Variants in C8orf74 observed in about 807,000 individuals in gnomAD.
C8orf74 encodes chromosome 8 open reading frame 74, also known as uncharacterized protein C8orf74.
C8orf74 carries 29 observed loss-of-function variants against 22.2 expected under a neutral mutation model. The ratio of observed to expected loss-of-function variants is 1.31; its 90% CI spans 0.97 to 1.78. The LOEUF is 1.78. Ranked by LOEUF, C8orf74 falls within the 40% of genes most tolerant of loss-of-function variation. The probability of loss-of-function intolerance (pLI) is 0.00; values close to 1 mark genes in which losing one functional copy is unlikely to be tolerated. For missense variants in C8orf74, 515 were observed against 369.9 expected (o/e 1.39, Z -3.22); for synonymous variants, 255 against 163.1 (o/e 1.56, Z -4.30).
Position 10,672,655 on chromosome 8 carries a change from A to G in C8orf74, c.-11A>G, listed in dbSNP as rs1282185657. ...TCTGGCTCCGTCTCCTGGCAACCAG[A>G]TGCAGGGGCCATGGCACTCTTAACA... On this transcript the variant is annotated 5_prime_UTR_variant, in exon 1 of 4. The change abolishes an upstream ATG in the 5' untranslated region. Transcript: ENST00000304519. The G allele has an allele frequency of 1.3e-6, 2 of 1,562,350 alleles. No homozygotes were observed. The highest frequency in any genetic ancestry group is 1.9e-5 in the Admixed American group (1 of 52,556).
Position 10,690,774 on chromosome 8 carries a change from G to A in C8orf74, c.242-6825G>A, listed in dbSNP as rs1336885273. On this transcript the variant is annotated intron_variant, in intron 2 of 3. Transcript: ENST00000304519. ...GGTCCGAGCCGTTTCTGCCCTGATC[G>A]TGGAGCTTCCCGTGCTGACATCTGC... 10 of 437,774 alleles carry A rather than the reference G, an allele frequency of 2.3e-5. 1 individual carries two copies. The highest frequency in any genetic ancestry group is 1.4e-4 in the East Asian group (2 of 14,054). The allele number at this position is 437,774 out of a possible 1,614,324, so 27.1% of individuals were successfully genotyped here. A position where few individuals can be genotyped will look rare whatever the true frequency, so the allele number is the denominator to read the frequency against.
chr8:10,692,671 A>AT (rs539835848), intron 2 of C8orf74: 4,332 of 143,876 alleles, frequency 0.03, 125 homozygotes, highest in African/African-American at 0.076. Context: ...CATGCTGGCT[A>AT]TTTTTTTTTT....
In C8orf74 at chr8:10,697,932, A is replaced by G. The variant is rs1563165749; in HGVS notation, c.575A>G (p.Glu192Gly). Residue 192 changes from glutamate (E) to glycine (G), a missense_variant, in exon 3 of 4, where the codon GAG becomes GGG. Transcript: ENST00000304519. ...VLLLKEALRL[E>G]RENSLQKAFA... ...CTCCTGAAAGAGGCGCTGCGCCTGGAGCGGGAGAACTCGCTGCAGAAGGCG... is the reference window on the plus strand; with the variant it reads ...CTCCTGAAAGAGGCGCTGCGCCTGGGGCGGGAGAACTCGCTGCAGAAGGCG... The G allele has an allele frequency of 6.3e-7, 1 of 1,589,768 alleles. No individual in the cohort carries two copies. Among genetic ancestry groups the G allele is most frequent in the Admixed American group, 1.7e-5 (1 of 58,324 alleles).
intron 3 of C8orf74, among the ~76,000 whole-genome samples, chr8:10,698,653 G>C (rs1799584403): frequency 6.6e-6 from 1 of 152,130 alleles, no homozygotes; most frequent in South Asian, 2.1e-4. Flanking sequence ...CTGACTTCTT[G>C]AGGGCCTGGC....
At chr8:10,673,314 G>T (rs1798956315) in intron 1 of C8orf74, among the ~76,000 whole-genome samples, 1 of 152,130 alleles carries the variant, frequency 6.6e-6, no homozygotes, top group South Asian at 2.1e-4. Flanking sequence ...TCTGCTGGGA[G>T]CCTATAAGAA....
At chr8:10,698,110 G>A (rs1434945338) in intron 3 of C8orf74, 105 bp downstream of exon 3, 12 of 1,166,218 alleles carry the variant, frequency 1.0e-5, no homozygotes, top group Non-Finnish European at 1.4e-5. Flanking sequence ...ACACAGGGGA[G>A]GGGGAGAGAT....
chr8:10,678,735 G>C (rs1232147976), intron 2 of C8orf74, among the ~76,000 whole-genome samples: 1 of 152,242 alleles, frequency 6.6e-6, no homozygotes, highest in African/African-American at 2.4e-5. Context: ...TGCCAGGCTG[G>C]CTGCAGTGGG....
chr8:10,687,191 C>T, intron 2 of C8orf74: 1 of 446,698 alleles, frequency 2.2e-6, no homozygotes, highest in Non-Finnish European at 4.5e-6. Flanking sequence ...TACTGTGTAC[C>T]AGGCACTGTG....
At chr8:10,699,105 C>T (rs962972563) in intron 3 of C8orf74, among the ~76,000 whole-genome samples, 5 of 152,194 alleles carry the variant, frequency 3.3e-5, no homozygotes, top group African/African-American at 1.2e-4. Context: ...TGTCTCTGGC[C>T]CCCTGCAGGG....
intron 2 of C8orf74, among the ~76,000 whole-genome samples, chr8:10,696,441 CTTTTTTT>C (rs546082377): frequency 5.9e-5 from 6 of 102,422 alleles, no homozygotes; most frequent in East Asian, 5.4e-4. Flanking sequence ...CTTTTCTTTT[CTTTTTTT>C]TTTTTTTTTT....
chr8:10,672,853 A>AGATGT lies in C8orf74; in HGVS notation c.48+142_48+146dup, dbSNP rs1396453420. 19 of 728,010 alleles carry AGATGT rather than the reference A, an allele frequency of 2.6e-5. No individual in the cohort carries two copies. The East Asian group carries it at 5.2e-4, about 20-fold the overall frequency. The allele number at this position is 728,010 out of a possible 1,614,324, so 45.1% of individuals were successfully genotyped here. Reference sequence around the variant, plus strand: ...GCACAGCACCTCTGAGGCTGTGACGAGATGTGGGGCCCAAACTTCAGGCCA... The same window carrying AGATGT: ...GCACAGCACCTCTGAGGCTGTGACGAGATGTGATGTGGGGCCCAAACTTCAGGCCA... On this transcript the variant is annotated intron_variant, in intron 1 of 3. Coordinates refer to ENST00000304519, the MANE Select transcript of C8orf74 (RefSeq NM_001040032.2).
intron 2 of C8orf74, among the ~76,000 whole-genome samples, chr8:10,678,692 T>C: frequency 6.6e-6 from 1 of 151,852 alleles, no homozygotes; most frequent in East Asian, 1.9e-4. Flanking sequence ...AGTGGGTGAC[T>C]GACCCACCAG....
intron 2 of C8orf74, chr8:10,675,470 T>G (rs13258730): frequency 0.89 from 135,573 of 152,274 alleles, 62,133 homozygotes; most frequent in Non-Finnish European, 1. Context: ...TTCATTCCAC[T>G]GAGAACCATC....
Position 10,697,931 on chromosome 8 carries a change from G to C in C8orf74, c.574G>C (p.Glu192Gln), listed in dbSNP as rs375013211. The C allele has an allele frequency of 3.6e-5, 57 of 1,590,116 alleles. No homozygotes were observed. The African/African-American group carries it at 5.8e-4, about 16-fold the overall frequency. ...VLLLKEALRL[E>Q]RENSLQKAFA... is the part of the protein sequence containing the mutation. Reference sequence around the variant, plus strand: ...GCTCCTGAAAGAGGCGCTGCGCCTGGAGCGGGAGAACTCGCTGCAGAAGGC... The same window carrying C: ...GCTCCTGAAAGAGGCGCTGCGCCTGCAGCGGGAGAACTCGCTGCAGAAGGC... The change falls in exon 3 of 4, where the codon GAG becomes CAG. Residue 192 changes from glutamate (E) to glutamine (Q), a missense_variant. Transcript: ENST00000304519.
At chr8:10,684,317 A>C (rs948285527) in intron 2 of C8orf74, among the ~76,000 whole-genome samples, 7 of 152,190 alleles carry the variant, frequency 4.6e-5, no homozygotes, top group Non-Finnish European at 8.8e-5. Context: ...TTTCACATGA[A>C]TCATTCTAGC....
At chr8:10,679,380 G>A (rs111566367) in intron 2 of C8orf74, among the ~76,000 whole-genome samples, 601 of 152,234 alleles carry the variant, frequency 3.9e-3, no homozygotes, top group African/African-American at 0.014. Flanking sequence ...CTGCAGTATC[G>A]CTCGTGGAAA....
rs1364612022 is a variant in C8orf74 at position 10,700,279 on chromosome 8, G to T, written c.693G>T (p.Glu231Asp). ...LICQAVHTQM[E>D]LLQELLQRQI... is the part of the protein sequence containing the mutation. The stretch of plus-strand genomic sequence containing the variant: ...GCCAGGCAGTCCACACCCAGATGGA[G>T]CTCCTGCAGGAGCTGCTGCAGCGCC... The change falls in exon 4 of 4, where the codon GAG becomes GAT. Residue 231 changes from glutamate to aspartate, a missense_variant. Transcript: ENST00000304519. The T allele has an allele frequency of 3.1e-6, 5 of 1,612,864 alleles. No individual in the cohort carries two copies. In the East Asian group the frequency reaches 1.1e-4, roughly 36 times the overall value.
chr8:10,680,720 G>A (rs1586034314), intron 2 of C8orf74, among the ~76,000 whole-genome samples: 1 of 152,222 alleles, frequency 6.6e-6, no homozygotes, highest in Non-Finnish European at 1.5e-5. Context: ...CAGCCTTGCT[G>A]CCTACCAGAC....
At chr8:10,678,780 C>T (rs985511546) in intron 2 of C8orf74, among the ~76,000 whole-genome samples, 10 of 152,250 alleles carry the variant, frequency 6.6e-5, no homozygotes, top group African/African-American at 2.4e-4. Flanking sequence ...CCGCAGCACC[C>T]CAGGGTGCAG....
Sources: allele counts gnomAD v4.1 joint callset (sites outside exome capture counted in the v4.1 genomes callset), GRCh38; gene constraint gnomAD v4.1.1; transcripts MANE v1.5; gene names NCBI Gene and HGNC (gene_info 2026-07-23, HGNC 2026-07-21).